The following TBC1D9 variants were observed in gnomAD, a reference collection of about 807,000 sequenced individuals.
The protein encoded by TBC1D9 is TBC1 domain family member 9A.
Under a neutral mutation model 132.0 loss-of-function variants are expected in TBC1D9, and 63 were observed. The ratio of observed to expected loss-of-function variants is 0.48; its 90% CI spans 0.39 to 0.59. The LOEUF is 0.59. TBC1D9 is among the 20% of genes least tolerant of loss of function. TBC1D9 has a pLI of 0.00. For missense variants in TBC1D9, 1,261 were observed against 1,592.7 expected (o/e 0.79, Z 3.54); for synonymous variants, 610 against 609.9 (o/e 1.00, Z 0.00).
At chr4:140,655,661 T>A (rs555352237) in intron 13 of TBC1D9, among the ~76,000 whole-genome samples, 2 of 152,298 alleles carry the variant, frequency 1.3e-5, no homozygotes, top group South Asian at 2.1e-4. Context: ...AAAGTGGCAC[T>A]GTGGTTCCTT....
intron 1 of TBC1D9, chr4:140,712,022 T>C (rs1355970817): frequency 6.6e-6 from 1 of 152,144 alleles, no homozygotes; most frequent in Non-Finnish European, 1.5e-5. Context: ...TTGGGCTTTT[T>C]TTACTCAAAG....
At chr4:140,752,752 T>C (rs1738945274) in intron 1 of TBC1D9, among the ~76,000 whole-genome samples, 1 of 152,196 alleles carries the variant, frequency 6.6e-6, no homozygotes, top group Non-Finnish European at 1.5e-5. Context: ...ATCAGGAACC[T>C]AGAATATCTT....
intron 1 of TBC1D9, among the ~76,000 whole-genome samples, chr4:140,749,004 G>A (rs1159031513): frequency 1.3e-5 from 2 of 152,142 alleles, no homozygotes; most frequent in Non-Finnish European, 2.9e-5. Flanking sequence ...TAAATTGGGG[G>A]TGGGGAGTTA....
intron 1 of TBC1D9, among the ~76,000 whole-genome samples, chr4:140,751,914 A>G (rs1177103331): frequency 6.6e-6 from 1 of 152,256 alleles, no homozygotes; most frequent in South Asian, 2.1e-4. Context: ...GGCTAAAATT[A>G]CAAAGACTGA....
chr4:140,657,352 A>G, intron 12 of TBC1D9, 126 bp from the exon 13 acceptor site: 1 of 1,381,860 alleles, frequency 7.2e-7, no homozygotes, highest in South Asian at 1.4e-5. Context: ...AAAGATGGAA[A>G]GAGAGAAAGA....
intron 1 of TBC1D9, among the ~76,000 whole-genome samples, chr4:140,732,228 A>T (rs1738604892): frequency 6.6e-6 from 1 of 152,220 alleles, no homozygotes; most frequent in African/African-American, 2.4e-5. Context: ...TTAAATGGGA[A>T]TGAGACTTAG....
rs1374828691 is a variant in TBC1D9, at chr4:140,668,987, C to T, written c.1518G>A (p.Glu506=). The change falls in exon 9 of 21, where the codon GAG becomes GAA. Residue 506 remains glutamate (E), a synonymous_variant. Transcript: ENST00000442267. ...YGQGICMYRT[E]KTRELVLKGI... The stretch of plus-strand genomic sequence containing the variant: ...CCTTCAACACCAGCTCCCGCGTTTT[C>T]TCTGTGCGGTACATGCAGATCCCTT... 3 of 1,613,904 alleles carry T rather than the reference C, an allele frequency of 1.9e-6. No homozygotes were observed. The highest frequency in any genetic ancestry group is 2.5e-6 in the Non-Finnish European group (3 of 1,179,894).
rs375576884 is a variant in TBC1D9 at position 140,686,335 on chromosome 4, T to A, written c.360+9A>T. 7.6e-5 allele frequency: 105 copies of A among 1,378,426 alleles called. No homozygotes were observed. The highest frequency in any genetic ancestry group is 1.0e-4 in the Non-Finnish European group (103 of 983,946). 85.4% of individuals were successfully genotyped at this position (1,378,426 alleles called of 1,614,324 possible). ...TTCCAATTAAAATGTTTTTCTTTTA[T>A]CCCACTACCTGTATTTTTCCTCTCA... On this transcript the variant is annotated intron_variant, in intron 3 of 20. Transcript: ENST00000442267.
chr4:140,645,467 G>A, intron 13 of TBC1D9: 1 of 405,854 alleles, frequency 2.5e-6, no homozygotes, highest in East Asian at 7.0e-5. Context: ...GCGGGCCCCT[G>A]CCCACTGCTA....
chr4:140,690,840 C>T (rs557902801), intron 2 of TBC1D9, among the ~76,000 whole-genome samples: 1 of 152,182 alleles, frequency 6.6e-6, no homozygotes, highest in African/African-American at 2.4e-5. Flanking sequence ...GTCAGAAGAA[C>T]TTTGTGTATT....
intron 2 of TBC1D9, among the ~76,000 whole-genome samples, chr4:140,687,378 AT>A (rs1737803865): frequency 1.4e-5 from 1 of 70,308 alleles, no homozygotes; most frequent in African/African-American, 6.8e-5. Context: ...ATATATATAT[AT>A]ATATATATAT....
chr4:140,736,873 G>T (rs2111073750), intron 1 of TBC1D9, among the ~76,000 whole-genome samples: 1 of 152,312 alleles, frequency 6.6e-6, no homozygotes, highest in South Asian at 2.1e-4. Context: ...ATTCCCCTGT[G>T]GGGAAGCAGA....
In TBC1D9 at chr4:140,649,904, A is replaced by C. The variant is rs560607284; in HGVS notation, c.2337+7193T>G. On this transcript the variant is annotated intron_variant, in intron 13 of 20. Transcript: ENST00000442267. ...TATTCCCATCAGGGAACACCCTCAT[A>C]ACTCTGCCAGAAGTGGGCCCATATT... Among the ~76,000 whole-genome samples the C allele has an allele frequency of 9.8e-5, 15 of 152,328 alleles. No individual in the cohort carries two copies. The South Asian group carries it at 2.9e-3, about 29-fold the overall frequency.
intron 10 of TBC1D9, among the ~76,000 whole-genome samples, chr4:140,661,144 G>C (rs569387587): frequency 7.9e-4 from 121 of 152,268 alleles, no homozygotes; most frequent in African/African-American, 2.6e-3. Flanking sequence ...TCGATCTCCT[G>C]ACCTCGTGAT....
intron 13 of TBC1D9, chr4:140,644,715 C>T (rs1030519688): frequency 3.2e-5 from 13 of 410,692 alleles, no homozygotes; most frequent in East Asian, 6.8e-5. Context: ...AGTGCTGCAG[C>T]GAAAAGAGCT....
intron 1 of TBC1D9, among the ~76,000 whole-genome samples, chr4:140,703,241 C>T (rs1319257263): frequency 2.6e-5 from 4 of 152,198 alleles, no homozygotes; most frequent in Admixed American, 6.5e-5. Context: ...ATATTGCAGG[C>T]TTTTCCTGAA....
At chr4:140,715,402 G>A (rs1355366711) in intron 1 of TBC1D9, among the ~76,000 whole-genome samples, 3 of 152,104 alleles carry the variant, frequency 2.0e-5, no homozygotes, top group African/African-American at 7.2e-5. Context: ...TTTCAGACTG[G>A]CTGCAGTTTG....
chr4:140,716,351 T>C (rs1258555750), intron 1 of TBC1D9, among the ~76,000 whole-genome samples: 12 of 151,952 alleles, frequency 7.9e-5, no homozygotes, highest in African/African-American at 2.9e-4. Flanking sequence ...ATCAGCTGGG[T>C]GTAGTGGAGC....
At chr4:140,677,564 C>A (rs1737645239) in intron 5 of TBC1D9, among the ~76,000 whole-genome samples, 1 of 152,196 alleles carries the variant, frequency 6.6e-6, no homozygotes, top group African/African-American at 2.4e-5. Flanking sequence ...GACACAGGAA[C>A]AACTCACCTT....
Sources: gnomAD v4.1 joint callset for allele counts (sites outside exome capture counted in the v4.1 genomes callset) on GRCh38, gnomAD v4.1.1 for gene constraint, MANE v1.5 for transcripts, NCBI Gene and HGNC (gene_info 2026-07-23, HGNC 2026-07-21) for gene names.